The following AUTS2 variants were observed in gnomAD, a reference collection of about 807,000 sequenced individuals.
The protein encoded by AUTS2 is activator of transcription and developmental regulator AUTS2.
Under a neutral mutation model 112.4 loss-of-function variants are expected in AUTS2, and 17 were observed. That is an observed-to-expected ratio of 0.15 (90% CI 0.10 to 0.23). AUTS2 has a LOEUF of 0.23. Ranked by LOEUF, AUTS2 falls within the 10% of genes least tolerant of loss-of-function variation. The probability of loss-of-function intolerance (pLI) is 1.00; values close to 1 mark genes in which losing one functional copy is unlikely to be tolerated. For missense variants in AUTS2, 1,510 were observed against 1,701.6 expected, an observed-to-expected ratio of 0.89 and a Z score of 1.98; for synonymous variants, 751 against 702.7, an observed-to-expected ratio of 1.07 and a Z score of -1.09.
chr7:69,843,367 T>C (rs187679482), intron 1 of AUTS2, among the ~76,000 whole-genome samples: 1 of 152,132 alleles, frequency 6.6e-6, no homozygotes, highest in Admixed American at 6.5e-5. Flanking sequence ...AGGGGTTGCA[T>C]AGGGGCTTGT....
intron 4 of AUTS2, among the ~76,000 whole-genome samples, chr7:70,431,984 C>T (rs749475342): frequency 6.6e-6 from 1 of 152,182 alleles, no homozygotes; most frequent in African/African-American, 2.4e-5. Context: ...GTCTGAAGGC[C>T]GGGTGACCAT....
intron 2 of AUTS2, among the ~76,000 whole-genome samples, chr7:70,044,304 A>G (rs916394748): frequency 2.6e-5 from 4 of 152,172 alleles, no homozygotes; most frequent in African/African-American, 9.7e-5. Flanking sequence ...ATGTAACCTC[A>G]GTTTATGTGC....
At chr7:70,779,250 C>T (rs1270180287) in intron 14 of AUTS2, among the ~76,000 whole-genome samples, 1 of 152,156 alleles carries the variant, frequency 6.6e-6, no homozygotes, top group African/African-American at 2.4e-5. Context: ...TATAGCATTC[C>T]CTGTAGATTT....
chr7:70,499,735 A>G (rs1798698405), intron 5 of AUTS2, among the ~76,000 whole-genome samples: 3 of 152,206 alleles, frequency 2.0e-5, no homozygotes, highest in South Asian at 4.1e-4. Flanking sequence ...GTGAAGAGGA[A>G]CTATAAGATG....
chr7:70,175,801 A>G (rs949245540), intron 4 of AUTS2, among the ~76,000 whole-genome samples: 2 of 152,246 alleles, frequency 1.3e-5, no homozygotes, highest in African/African-American at 2.4e-5. Context: ...ACATAATGCT[A>G]TTATACACAT....
intron 1 of AUTS2, among the ~76,000 whole-genome samples, chr7:69,785,980 G>A (rs985658366): frequency 2.0e-5 from 3 of 152,092 alleles, no homozygotes; most frequent in South Asian, 2.1e-4. Context: ...ACAGGTGCCC[G>A]CCACCACGCC....
intron 1 of AUTS2, among the ~76,000 whole-genome samples, chr7:69,637,194 A>G (rs1794588972): frequency 6.6e-6 from 1 of 152,196 alleles, no homozygotes; most frequent in Non-Finnish European, 1.5e-5. Context: ...TAGCCTTGTG[A>G]TATATATTCA....
intron 15 of AUTS2, 177 bp downstream of exon 15, chr7:70,781,933 A>C (rs1384631474): frequency 4.4e-6 from 3 of 688,920 alleles, no homozygotes; most frequent in East Asian, 2.9e-5. Flanking sequence ...TCATTGATAC[A>C]CTCTCTTTCA....
intron 1 of AUTS2, among the ~76,000 whole-genome samples, chr7:69,758,838 T>C (rs1788047233): frequency 6.6e-6 from 1 of 152,176 alleles, no homozygotes; most frequent in African/African-American, 2.4e-5. Flanking sequence ...TAGTAAGAGA[T>C]GATCATCAGC....
chr7:70,238,801 A>G (rs1200067151), intron 4 of AUTS2, among the ~76,000 whole-genome samples: 1 of 152,072 alleles, frequency 6.6e-6, no homozygotes, highest in African/African-American at 2.4e-5. Context: ...CCAGAGAAAC[A>G]AGATATGCGT....
Position 69,760,682 on chromosome 7 carries a change from G to A in AUTS2, c.310-138604G>A, listed in dbSNP as rs547104917. Among the ~76,000 whole-genome samples, 8 of 152,226 alleles carry A rather than the reference G, an allele frequency of 5.3e-5. No homozygotes were observed. In the South Asian group the frequency reaches 1.0e-3, roughly 20 times the overall value. Reference sequence around the variant, plus strand: ...CTAAAAATACAAAAATTAGCTGGGCGTGGTGGCACAAGTCTGTAATCCCAG... The same window carrying A: ...CTAAAAATACAAAAATTAGCTGGGCATGGTGGCACAAGTCTGTAATCCCAG... On this transcript the variant is annotated intron_variant, in intron 1 of 18. Coordinates refer to ENST00000342771, the MANE Select transcript of AUTS2 (RefSeq NM_015570.4).
chr7:69,966,393 A>C (rs997287379), intron 2 of AUTS2, among the ~76,000 whole-genome samples: 2 of 152,178 alleles, frequency 1.3e-5, no homozygotes, highest in African/African-American at 4.8e-5. Flanking sequence ...TAGAAATAAG[A>C]GGGAGCACAA....
intron 2 of AUTS2, among the ~76,000 whole-genome samples, chr7:69,966,284 A>T (rs1797633525): frequency 6.6e-6 from 1 of 152,030 alleles, no homozygotes; most frequent in African/African-American, 2.4e-5. Flanking sequence ...CATGCTCCTG[A>T]TCCATTGCCA....
intron 1 of AUTS2, among the ~76,000 whole-genome samples, chr7:69,740,785 G>T (rs1197983516): frequency 3.9e-5 from 6 of 152,124 alleles, no homozygotes; most frequent in Non-Finnish European, 8.8e-5. Flanking sequence ...GCCTCCCAAG[G>T]TGCTGGGATT....
intron 2 of AUTS2, among the ~76,000 whole-genome samples, chr7:70,050,243 GC>G (rs574894237): frequency 6.8e-4 from 102 of 149,684 alleles, no homozygotes; most frequent in African/African-American, 2.4e-3. Context: ...TGTAGTCCCA[GC>G]TACTCAGGAG....
At chr7:70,760,711 T>C (rs1016260184) in intron 6 of AUTS2, among the ~76,000 whole-genome samples, 1 of 152,264 alleles carries the variant, frequency 6.6e-6, no homozygotes, top group Non-Finnish European at 1.5e-5. Flanking sequence ...CAGCAAGGGC[T>C]TGGGGTGCCC....
intron 4 of AUTS2, among the ~76,000 whole-genome samples, chr7:70,359,141 T>C (rs1792141522): frequency 6.6e-6 from 1 of 152,234 alleles, no homozygotes; most frequent in Non-Finnish European, 1.5e-5. Context: ...AAATTAGGAA[T>C]GTTTTCAATT....
At chr7:70,063,129 G>A (rs1224980438) in intron 2 of AUTS2, among the ~76,000 whole-genome samples, 1 of 152,076 alleles carries the variant, frequency 6.6e-6, no homozygotes, top group Admixed American at 6.5e-5. Flanking sequence ...GATGGATGCT[G>A]GCAGTCATAC....
chr7:70,533,351 C>T (rs771149214), intron 5 of AUTS2, among the ~76,000 whole-genome samples: 4 of 152,122 alleles, frequency 2.6e-5, no homozygotes, highest in Non-Finnish European at 2.9e-5. Context: ...TGGGCACACG[C>T]GATCCTCACA....
Sources: allele counts gnomAD v4.1 joint callset (sites outside exome capture counted in the v4.1 genomes callset), GRCh38; gene constraint gnomAD v4.1.1; transcripts MANE v1.5; gene names NCBI Gene and HGNC (gene_info 2026-07-23, HGNC 2026-07-21).